The following SGCG variants were observed in gnomAD, a reference collection of about 807,000 sequenced individuals.
SGCG encodes the protein sarcoglycan gamma.
Under a neutral mutation model 29.3 loss-of-function variants are expected in SGCG, and 26 were observed. That is an observed-to-expected ratio of 0.89 (90% CI 0.65 to 1.23). The LOEUF (loss-of-function observed/expected upper bound fraction) is 1.23, where lower values mean the gene tolerates loss of function less well. Among genes scored for constraint, SGCG ranks in the 50% most tolerant of loss-of-function variants. The pLI is 0.00. For synonymous variants in SGCG, 145 were observed against 129.7 expected (o/e 1.12, Z -0.80); for missense variants, 353 against 356.0 (o/e 0.99, Z 0.07).
intron 5 of SGCG, among the ~76,000 whole-genome samples, chr13:23,291,640 T>C (rs973672610): frequency 1.3e-5 from 2 of 152,228 alleles, no homozygotes; most frequent in Admixed American, 1.3e-4. Flanking sequence ...TATCAGTTTA[T>C]AGATTTTATA....
At chr13:23,177,698 A>G (rs1432918989), upstream of SGCG, among the ~76,000 whole-genome samples, 1 of 150,542 alleles carries the variant, frequency 6.6e-6, no homozygotes, top group African/African-American at 2.5e-5. Flanking sequence ...CAGCCTCCCA[A>G]GTAGCTGGGA....
At chr13:23,188,590 A>T (rs935166473) in intron 1 of SGCG, among the ~76,000 whole-genome samples, 1 of 149,000 alleles carries the variant, frequency 6.7e-6, no homozygotes, top group African/African-American at 2.5e-5. Flanking sequence ...AAATGCTGGG[A>T]TTATAGGTGT....
intron 1 of SGCG, among the ~76,000 whole-genome samples, chr13:23,195,530 A>G (rs1233423702): frequency 6.6e-6 from 1 of 150,854 alleles, no homozygotes; most frequent in African/African-American, 2.4e-5. Flanking sequence ...TTCTCTTTTC[A>G]GGTCTGTTAG....
At chr13:23,323,376 G>A (rs550997986) in intron 7 of SGCG, among the ~76,000 whole-genome samples, 1 of 152,336 alleles carries the variant, frequency 6.6e-6, no homozygotes, top group African/African-American at 2.4e-5. Context: ...GCCTCACCTG[G>A]CAGGTGCACA....
At chr13:23,274,368 A>C (rs17315279) in intron 4 of SGCG, among the ~76,000 whole-genome samples, 15,434 of 146,244 alleles carry the variant, frequency 0.11, 948 homozygotes, top group Non-Finnish European at 0.13. Context: ...AAGTAATGCA[A>C]GGGTGTGTTT....
chr13:23,304,873 C>T (rs908933499), intron 6 of SGCG, among the ~76,000 whole-genome samples: 1 of 152,200 alleles, frequency 6.6e-6, no homozygotes, highest in African/African-American at 2.4e-5. Flanking sequence ...AGATGATCCA[C>T]TCGCCTTGGC....
intron 3 of SGCG, among the ~76,000 whole-genome samples, chr13:23,236,521 CA>C (rs1273203472): frequency 1.3e-5 from 2 of 151,686 alleles, no homozygotes; most frequent in Admixed American, 6.6e-5. Context: ...ACTAAAAATA[CA>C]AAAAAATCAG....
chr13:23,299,427 TATATATATATATATATATATATATATA>T (rs1566037354), intron 6 of SGCG, among the ~76,000 whole-genome samples: 2 of 13,530 alleles, frequency 1.5e-4, no homozygotes, highest in African/African-American at 4.1e-4. Flanking sequence ...TATATATATA[TATATATATATATATATATATATATATA>T]TATTTTTTTT....
chr13:23,300,527 A>T (rs894040981), intron 6 of SGCG, among the ~76,000 whole-genome samples: 6 of 152,128 alleles, frequency 3.9e-5, no homozygotes, highest in African/African-American at 1.4e-4. Context: ...CATCAGCCCA[A>T]CGATGTCACA....
At chr13:23,320,310 TA>T (rs1882985881) in intron 6 of SGCG, among the ~76,000 whole-genome samples, 1 of 152,166 alleles carries the variant, frequency 6.6e-6, no homozygotes, top group African/African-American at 2.4e-5. Flanking sequence ...TAGTAATTCA[TA>T]AATGGCATTT....
chr13:23,298,034 C>T (rs903153761), intron 6 of SGCG, among the ~76,000 whole-genome samples: 7 of 151,596 alleles, frequency 4.6e-5, no homozygotes, highest in East Asian at 2.0e-4. Flanking sequence ...CATGAGCCAC[C>T]GCGGCCAGCC....
chr13:23,260,013 A>G (rs1880362952), intron 4 of SGCG, among the ~76,000 whole-genome samples: 1 of 152,154 alleles, frequency 6.6e-6, no homozygotes, highest in Non-Finnish European at 1.5e-5. Context: ...AGAAGAATGT[A>G]TATTCTGTTG....
chr13:23,206,739 T>A (rs1340034366), intron 2 of SGCG, among the ~76,000 whole-genome samples: 1 of 152,114 alleles, frequency 6.6e-6, no homozygotes, highest in African/African-American at 2.4e-5. Flanking sequence ...AAGAATGCAA[T>A]ATCTAGAAAT....
chr13:23,162,895 A>G, the SGCG span, among the ~76,000 whole-genome samples: 1 of 152,108 alleles, frequency 6.6e-6, no homozygotes, highest in Non-Finnish European at 1.5e-5. Context: ...CCTACAAGAG[A>G]CCTTATTGTA....
chr13:23,233,989 T>A (rs887476793), intron 2 of SGCG, among the ~76,000 whole-genome samples: 3 of 152,350 alleles, frequency 2.0e-5, no homozygotes, highest in African/African-American at 7.2e-5. Flanking sequence ...AATTGGGAAA[T>A]GCCCACAAGT....
At chr13:23,232,190 G>C (rs945776536) in intron 2 of SGCG, among the ~76,000 whole-genome samples, 2 of 152,092 alleles carry the variant, frequency 1.3e-5, no homozygotes, top group Admixed American at 6.5e-5. Context: ...GCAGTGTGTG[G>C]GGCTTCCACA....
intron 1 of SGCG, among the ~76,000 whole-genome samples, chr13:23,185,437 G>T (rs758736806): frequency 2.6e-5 from 4 of 152,130 alleles, no homozygotes; most frequent in African/African-American, 4.8e-5. Context: ...TGATCTGCTC[G>T]CCTTGGCCTC....
At chr13:23,236,441 G>A (rs939324876) in intron 3 of SGCG, among the ~76,000 whole-genome samples, 1 of 152,180 alleles carries the variant, frequency 6.6e-6, no homozygotes, top group Non-Finnish European at 1.5e-5. Flanking sequence ...ACTTTGGGAG[G>A]CCGAGGCGGG....
At chr13:23,322,765 T>TCCCCCCC (rs1189871837) in intron 7 of SGCG, among the ~76,000 whole-genome samples, 918 of 61,418 alleles carry the variant, frequency 0.015, 6 homozygotes, top group East Asian at 0.019. Context: ...CCCCCACCCA[T>TCCCCCCC]CCACCTCCCC....
Sources: gnomAD v4.1 joint callset for allele counts (sites outside exome capture counted in the v4.1 genomes callset) on GRCh38, gnomAD v4.1.1 for gene constraint, MANE v1.5 for transcripts, NCBI Gene and HGNC (gene_info 2026-07-23, HGNC 2026-07-21) for gene names.